Variants in ADORA2B observed in about 807,000 individuals in gnomAD.
ADORA2B encodes adenosine A2b receptor.
A neutral mutation model predicts 20.8 loss-of-function variants in ADORA2B; 18 were observed. That is an observed-to-expected ratio of 0.87 (90% CI 0.60 to 1.29). The LOEUF is 1.29. Ranked by LOEUF, ADORA2B falls within the 50% of genes most tolerant of loss-of-function variation. ADORA2B has a pLI of 0.00. For missense variants in ADORA2B, 441 were observed against 422.7 expected, an observed-to-expected ratio of 1.04 and a Z score of -0.38; for synonymous variants, 179 against 178.3, an observed-to-expected ratio of 1.00 and a Z score of -0.03.
the ADORA2B span, among the ~76,000 whole-genome samples, chr17:15,868,214 A>G: frequency 1.5e-5 from 2 of 137,476 alleles, no homozygotes; most frequent in African/African-American, 2.6e-5. Context: ...AATCTCAAGC[A>G]CCCAGGGACA....
the ADORA2B span, among the ~76,000 whole-genome samples, chr17:15,888,850 A>AT: frequency 4.0e-3 from 27 of 6,730 alleles, 4 homozygotes; most frequent in Non-Finnish European, 5.1e-3. Flanking sequence ...ATATATATAT[A>AT]TTTTTTTTTT....
the ADORA2B span, among the ~76,000 whole-genome samples, chr17:15,879,471 A>G: frequency 6.6e-6 from 1 of 151,930 alleles, no homozygotes; most frequent in South Asian, 2.1e-4. Context: ...AAAAAAAAAA[A>G]GTAATATTTA....
In ADORA2B at chr17:15,974,663, G is replaced by T; in HGVS notation, c.336-16G>T. ...CGCTATAAACTGACCGTAACAGATG[G>T]TATTCTTTTAAACAGGTATAAAAGT... On this transcript the variant is annotated splice_polypyrimidine_tract_variant and intron_variant, in intron 1 of 1. Transcript: ENST00000304222. 1 of 1,605,112 alleles carries T rather than the reference G, an allele frequency of 6.2e-7. No individual in the cohort carries two copies.
At chr17:15,913,732 C>T in the ADORA2B span, among the ~76,000 whole-genome samples, 10 of 152,244 alleles carry the variant, frequency 6.6e-5, no homozygotes, top group Non-Finnish European at 1.3e-4. Context: ...TTGGCCTGGA[C>T]ATCTTGCAGT....
chr17:15,857,465 G>A, the ADORA2B span, among the ~76,000 whole-genome samples: 1 of 152,226 alleles, frequency 6.6e-6, no homozygotes, highest in Non-Finnish European at 1.5e-5. Context: ...TCCACTGACA[G>A]TGTGTACCGT....
the ADORA2B span, among the ~76,000 whole-genome samples, chr17:15,930,148 G>C: frequency 6.6e-6 from 1 of 152,154 alleles, no homozygotes; most frequent in Admixed American, 6.5e-5. Context: ...AGGAAGAATC[G>C]GGGCTGTGGT....
At chr17:15,913,889 T>A in the ADORA2B span, among the ~76,000 whole-genome samples, 2 of 152,224 alleles carry the variant, frequency 1.3e-5, no homozygotes, top group African/African-American at 4.8e-5. Flanking sequence ...CACAGCTTGC[T>A]TTTACTGCTA....
At chr17:15,908,272 A>T in the ADORA2B span, among the ~76,000 whole-genome samples, 1 of 152,132 alleles carries the variant, frequency 6.6e-6, no homozygotes, top group East Asian at 1.9e-4. Flanking sequence ...AAAACTTTTT[A>T]AAATGCTGTC....
the ADORA2B span, among the ~76,000 whole-genome samples, chr17:15,919,322 G>A: frequency 4.6e-5 from 7 of 152,220 alleles, no homozygotes; most frequent in South Asian, 2.1e-4. Flanking sequence ...ACTGCAACCC[G>A]TTGAGTCATT....
At chr17:15,953,370 A>C (rs986767901) in intron 1 of ADORA2B, among the ~76,000 whole-genome samples, 44 of 152,346 alleles carry the variant, frequency 2.9e-4, no homozygotes, top group Non-Finnish European at 4.9e-4. Flanking sequence ...GTAAACAGTC[A>C]AAAGTACAAA....
intron 1 of ADORA2B, among the ~76,000 whole-genome samples, chr17:15,954,937 G>A (rs184817484): frequency 6.6e-6 from 1 of 152,154 alleles, no homozygotes; most frequent in East Asian, 1.9e-4. Context: ...GGAACCTTTG[G>A]GATCATTTGT....
At chr17:15,909,982 G>A in the ADORA2B span, among the ~76,000 whole-genome samples, 124 of 152,324 alleles carry the variant, frequency 8.1e-4, no homozygotes, top group African/African-American at 2.3e-3. Flanking sequence ...TGGCTCTGCC[G>A]TGTTCTTCTG....
chr17:15,879,607 C>G, the ADORA2B span, among the ~76,000 whole-genome samples: 2 of 149,998 alleles, frequency 1.3e-5, no homozygotes, highest in Non-Finnish European at 3.0e-5. Context: ...GCACGATCTC[C>G]CCTCACTGCA....
chr17:15,911,945 G>A, the ADORA2B span, among the ~76,000 whole-genome samples: 1,267 of 152,200 alleles, frequency 8.3e-3, 18 homozygotes, highest in African/African-American at 0.029. Flanking sequence ...GAGTGTGATG[G>A]CTCACACCTA....
chr17:15,944,923 T>G, upstream of ADORA2B: 3 of 192,012 alleles, frequency 1.6e-5, no homozygotes, highest in Non-Finnish European at 3.2e-5. This position sits in a 1 kb window ranked among gnomAD's most constrained non-coding sequence, Gnocchi z 4.8. Context: ...GTTGGGGCAA[T>G]TTGTTAGTTA....
At chr17:15,958,972 T>C (rs1034686382) in intron 1 of ADORA2B, among the ~76,000 whole-genome samples, 3 of 152,208 alleles carry the variant, frequency 2.0e-5, no homozygotes, top group Admixed American at 6.6e-5. Flanking sequence ...GCAGTATACA[T>C]GTGCATGCAA....
chr17:15,929,867 A>C, the ADORA2B span, among the ~76,000 whole-genome samples: 11 of 152,074 alleles, frequency 7.2e-5, no homozygotes, highest in African/African-American at 2.7e-4. Context: ...GGCTGGGGGA[A>C]GGGGAAAATG....
intron 1 of ADORA2B, among the ~76,000 whole-genome samples, chr17:15,957,744 C>T (rs1455114714): frequency 6.6e-6 from 1 of 152,128 alleles, no homozygotes; most frequent in Non-Finnish European, 1.5e-5. Context: ...TATTCCTGCA[C>T]AGCAGCCTCT....
the ADORA2B span, among the ~76,000 whole-genome samples, chr17:15,884,677 T>C: frequency 6.6e-6 from 1 of 152,182 alleles, no homozygotes; most frequent in Non-Finnish European, 1.5e-5. Context: ...AGTGTTTGGT[T>C]TTCTCTTCCT....
Sources: allele counts gnomAD v4.1 joint callset (sites outside exome capture counted in the v4.1 genomes callset), GRCh38; gene constraint gnomAD v4.1.1; non-coding constraint Gnocchi (gnomAD v3.1); transcripts MANE v1.5; gene names NCBI Gene and HGNC (gene_info 2026-07-23, HGNC 2026-07-21).